USH2A: variants seen among roughly 807,000 people sequenced by gnomAD.
USH2A encodes the protein usherin.
Under a neutral mutation model 538.9 loss-of-function variants are expected in USH2A, and 443 were observed. The ratio of observed to expected loss-of-function variants is 0.82; its 90% confidence interval spans 0.76 to 0.89. USH2A has a LOEUF of 0.89. Ranked by LOEUF, USH2A falls within the 40% of genes least tolerant of loss-of-function variation. USH2A has a pLI of 0.00. For synonymous variants in USH2A, 2,413 were observed against 2,273.5 expected, an observed-to-expected ratio of 1.06 and a Z score of -1.75; for missense variants, 6,633 against 6,324.8, an observed-to-expected ratio of 1.05 and a Z score of -1.65.
chr1:216,147,466 A>G (rs1054322364), intron 21 of USH2A, among the ~76,000 whole-genome samples: 2 of 152,112 alleles, frequency 1.3e-5, no homozygotes, highest in Admixed American at 1.3e-4. Flanking sequence ...GCTGTTTTTC[A>G]TCAAATATAA....
At chr1:216,372,879 A>G (rs566851465) in intron 3 of USH2A, among the ~76,000 whole-genome samples, 2 of 152,230 alleles carry the variant, frequency 1.3e-5, no homozygotes, top group Non-Finnish European at 2.9e-5. Context: ...GCCTTTTTCT[A>G]TTTTACTCAT....
At chr1:216,203,533 A>G (rs2035045527) in intron 16 of USH2A, among the ~76,000 whole-genome samples, 1 of 152,074 alleles carries the variant, frequency 6.6e-6, no homozygotes, top group African/African-American at 2.4e-5. Flanking sequence ...ATAAGGGGAA[A>G]CTACCGCATT....
chr1:216,334,605 C>A (rs2037934345), intron 4 of USH2A, among the ~76,000 whole-genome samples: 1 of 151,744 alleles, frequency 6.6e-6, no homozygotes, highest in Non-Finnish European at 1.5e-5. Context: ...TTCGAGGAAA[C>A]AAATAGATTG....
chr1:215,736,076 A>G (rs947901131), intron 60 of USH2A, among the ~76,000 whole-genome samples: 2 of 152,126 alleles, frequency 1.3e-5, no homozygotes, highest in Non-Finnish European at 2.9e-5. Flanking sequence ...CCTGGAAGCC[A>G]TATCTTCTGA....
In USH2A at chr1:215,770,103, A is replaced by G. The variant is rs1381330852; in HGVS notation, c.10940-3315T>C. 8.5e-5 allele frequency among the ~76,000 whole-genome samples: 13 copies of G among 152,196 alleles called. 1 individual carries two copies. On this transcript the variant is annotated intron_variant, in intron 55 of 71. Coordinates refer to ENST00000307340, the MANE Select transcript of USH2A (RefSeq NM_206933.4). ...AGGGTCTGTTCCTGCTTTTTATAAC[A>G]AAACTCACATTTTCCTTGGATAAGC... is the stretch of plus-strand genomic sequence containing the variant.
intron 32 of USH2A, among the ~76,000 whole-genome samples, chr1:216,007,196 T>C (rs967075211): frequency 7.2e-5 from 11 of 152,322 alleles, no homozygotes; most frequent in Admixed American, 3.9e-4. Context: ...TGTAAGTCCA[T>C]TAAACCTCTT....
intron 47 of USH2A, 61 bp from the exon 48 acceptor site, chr1:215,817,256 G>A (rs1662885214): frequency 6.6e-7 from 1 of 1,526,614 alleles, no homozygotes; most frequent in Non-Finnish European, 9.0e-7. Context: ...GATGCTATCA[G>A]TCTTAAGTAA....
intron 22 of USH2A, 37 bp downstream of exon 22, chr1:216,097,046 T>C: frequency 1.3e-6 from 2 of 1,582,102 alleles, no homozygotes; most frequent in Non-Finnish European, 8.6e-7. Context: ...ACCTACTAAA[T>C]TCTTAAAAAT....
At chr1:215,685,835 C>T (rs1658408389) in intron 61 of USH2A, among the ~76,000 whole-genome samples, 1 of 152,110 alleles carries the variant, frequency 6.6e-6, no homozygotes, top group African/African-American at 2.4e-5. Context: ...TTACCAGTGC[C>T]ATCTTCACCT....
intron 38 of USH2A, among the ~76,000 whole-genome samples, chr1:215,919,745 A>C (rs1666049409): frequency 6.6e-6 from 1 of 152,070 alleles, no homozygotes; most frequent in Admixed American, 6.6e-5. Flanking sequence ...GCTGAAAGTT[A>C]ACTTTAGATT....
chr1:216,150,905 C>A (rs2033818977), intron 21 of USH2A, among the ~76,000 whole-genome samples: 1 of 152,096 alleles, frequency 6.6e-6, no homozygotes, highest in African/African-American at 2.4e-5. Context: ...ACAATTGGAG[C>A]CTTCCAGCTC....
intron 3 of USH2A, among the ~76,000 whole-genome samples, chr1:216,396,826 G>T (rs1201359362): frequency 6.6e-6 from 1 of 152,070 alleles, no homozygotes; most frequent in Non-Finnish European, 1.5e-5. Context: ...GCCTCAAAAA[G>T]ACATATCTGC....
chr1:216,213,229 C>T (rs1025915344), intron 15 of USH2A, among the ~76,000 whole-genome samples: 2 of 152,058 alleles, frequency 1.3e-5, no homozygotes, highest in African/African-American at 4.8e-5. Flanking sequence ...TTTACTAGCT[C>T]TAGTAGCTTT....
At chr1:215,671,385 C>A in intron 63 of USH2A, 92 bp from the exon 64 acceptor site, 2 of 1,268,466 alleles carry the variant, frequency 1.6e-6, no homozygotes, top group Non-Finnish European at 2.2e-6. Flanking sequence ...AAAAAAAAGA[C>A]AAGCTTACAT....
chr1:216,316,742 A>T (rs1475059192), intron 9 of USH2A, among the ~76,000 whole-genome samples: 1 of 152,200 alleles, frequency 6.6e-6, no homozygotes, highest in African/African-American at 2.4e-5. Flanking sequence ...ATGATCAGTG[A>T]TGCTGAGCTT....
intron 32 of USH2A, among the ~76,000 whole-genome samples, chr1:216,010,417 G>T (rs1668531342): frequency 6.6e-6 from 1 of 151,972 alleles, no homozygotes; most frequent in Non-Finnish European, 1.5e-5. Context: ...AGAGCCCCTG[G>T]AACTCTGGCC....
chr1:216,255,774 G>T (rs2036247399), intron 11 of USH2A, among the ~76,000 whole-genome samples: 1 of 152,058 alleles, frequency 6.6e-6, no homozygotes, highest in Admixed American at 6.6e-5. Flanking sequence ...CTAATCTATA[G>T]ATTTACTTAT....
intron 3 of USH2A, 133 bp downstream of exon 3, chr1:216,418,381 A>T: frequency 1.0e-6 from 1 of 971,902 alleles, no homozygotes; most frequent in Non-Finnish European, 1.5e-6. Flanking sequence ...TTTCTTCTTT[A>T]GTTGTCATTT....
chr1:216,323,773 T>A, intron 7 of USH2A, 78 bp from the exon 8 acceptor site: 1 of 1,279,958 alleles, frequency 7.8e-7, no homozygotes. Context: ...GTTGAGAAAT[T>A]ACTACACAGT....
Sources: gnomAD v4.1 joint callset for allele counts (sites outside exome capture counted in the v4.1 genomes callset) on GRCh38, gnomAD v4.1.1 for gene constraint, MANE v1.5 for transcripts, NCBI Gene and HGNC (gene_info 2026-07-23, HGNC 2026-07-21) for gene names.